The following ZBTB41 variants were observed in gnomAD, a reference collection of about 807,000 sequenced individuals.
ZBTB41 encodes zinc finger and BTB domain containing 41.
In ZBTB41, 42 loss-of-function variants were observed where a neutral mutation model predicts 87.6. The observed-to-expected ratio is 0.48, with a 90% confidence interval of 0.37 to 0.62. ZBTB41 has a LOEUF of 0.62. Ranked by LOEUF, ZBTB41 falls within the 20% of genes least tolerant of loss-of-function variation. ZBTB41 has a pLI of 0.00. For synonymous variants in ZBTB41, 364 were observed against 364.0 expected (o/e 1.00, Z 0.00); for missense variants, 799 against 1,078.9 (o/e 0.74, Z 3.63).
intron 6 of ZBTB41, among the ~76,000 whole-genome samples, chr1:197,180,328 T>C (rs1394774709): frequency 6.6e-6 from 1 of 152,152 alleles, no homozygotes; most frequent in African/African-American, 2.4e-5. Flanking sequence ...GTACACTCTA[T>C]ATTTGTGTGA....
chr1:197,174,806 C>T (rs1386783693), intron 9 of ZBTB41, among the ~76,000 whole-genome samples: 2 of 151,950 alleles, frequency 1.3e-5, no homozygotes, highest in African/African-American at 2.4e-5. Context: ...TTGCATGTCA[C>T]CTCCCTGGCC....
At position 197,174,084 on chromosome 1, in the gene ZBTB41, C is replaced by G. The variant is rs1022828602; in HGVS notation, c.1985+926G>C. On this transcript the variant is annotated intron_variant, in intron 9 of 10. Coordinates refer to ENST00000367405, the MANE Select transcript of ZBTB41 (RefSeq NM_194314.3). ...TGTACAAAACACTTTAACTTCCTCACAGTGGACTTAAGATAAATTCTGTAG... is the reference window on the plus strand; with the variant it reads ...TGTACAAAACACTTTAACTTCCTCAGAGTGGACTTAAGATAAATTCTGTAG... 2.6e-5 allele frequency among the ~76,000 whole-genome samples: 4 copies of G among 152,080 alleles called. No homozygotes were observed. The East Asian group carries it at 5.8e-4, about 22-fold the overall frequency.
intron 7 of ZBTB41, among the ~76,000 whole-genome samples, chr1:197,178,033 CTT>C (rs1177276846): frequency 1.3e-5 from 2 of 151,832 alleles, no homozygotes; most frequent in African/African-American, 2.4e-5. Flanking sequence ...GCACAGAAGA[CTT>C]TTGAAAATTG....
At chr1:197,182,710 T>C (rs1659780846) in intron 5 of ZBTB41, among the ~76,000 whole-genome samples, 1 of 152,342 alleles carries the variant, frequency 6.6e-6, no homozygotes, top group Non-Finnish European at 1.5e-5. Context: ...TATATATTCC[T>C]AATGTAGACA....
chr1:197,194,487 C>A (rs1489526353), intron 2 of ZBTB41, among the ~76,000 whole-genome samples: 1 of 151,538 alleles, frequency 6.6e-6, no homozygotes, highest in Non-Finnish European at 1.5e-5. Context: ...TCTATGCATG[C>A]AAATAAAAAT....
In ZBTB41 at chr1:197,190,140, C is replaced by T. The variant is rs148717857; in HGVS notation, c.1398+622G>A. ...TTTGCCATGTTGGCCAGATTGGTCTCGAACTCCTGACCTCAGGTGATCCAC... is the reference window on the plus strand; with the variant it reads ...TTTGCCATGTTGGCCAGATTGGTCTTGAACTCCTGACCTCAGGTGATCCAC... On this transcript the variant is annotated intron_variant, in intron 4 of 10. Coordinates refer to ENST00000367405, the MANE Select transcript of ZBTB41 (RefSeq NM_194314.3). Among the ~76,000 whole-genome samples, 58 of 152,174 alleles carry T rather than the reference C, an allele frequency of 3.8e-4. No homozygotes were observed. In the East Asian group the frequency reaches 8.9e-3, roughly 23 times the overall value.
At chr1:197,174,637 A>G (rs1481070039) in intron 9 of ZBTB41, among the ~76,000 whole-genome samples, 1 of 152,130 alleles carries the variant, frequency 6.6e-6, no homozygotes, top group African/African-American at 2.4e-5. Context: ...ATAAAATAAT[A>G]TTTTAAATGC....
At chr1:197,200,787 A>C (rs867353654) in intron 1 of ZBTB41, among the ~76,000 whole-genome samples, 197 bp from the exon 2 acceptor site, 2 of 152,326 alleles carry the variant, frequency 1.3e-5, no homozygotes, top group South Asian at 4.1e-4. Flanking sequence ...CAAAAGAATA[A>C]TTTTAAAGGA....
chr1:197,183,540 A>G (rs891492968), intron 5 of ZBTB41, among the ~76,000 whole-genome samples: 3 of 152,164 alleles, frequency 2.0e-5, no homozygotes, highest in African/African-American at 7.2e-5. Flanking sequence ...CATACAAATT[A>G]CCTAATCAGT....
Position 197,156,324 on chromosome 1 carries a change from T to C in ZBTB41, c.*3035A>G, listed in dbSNP as rs1248581614. On this transcript the variant is annotated 3_prime_UTR_variant, in exon 11 of 11. Transcript: ENST00000367405. ...AACTATTTAATACCTACTAAAAATC[T>C]TTGGTGCATTTAAGTCAAAACCCAT... is the stretch of plus-strand genomic sequence containing the variant. The C allele has an allele frequency of 1.3e-5, 2 of 152,250 alleles. No individual in the cohort carries two copies. The highest frequency in any genetic ancestry group is 4.8e-5 in the African/African-American group (2 of 41,420). The allele number at this position is 152,250 out of a possible 1,614,324, so 9.4% of individuals were successfully genotyped here. A position where few individuals can be genotyped will look rare whatever the true frequency, so the allele number is the denominator to read the frequency against.
intron 5 of ZBTB41, among the ~76,000 whole-genome samples, chr1:197,187,499 T>G (rs1258351270): frequency 6.6e-6 from 1 of 152,190 alleles, no homozygotes; most frequent in African/African-American, 2.4e-5. Flanking sequence ...AAATCATCTC[T>G]TGATTACTTA....
chr1:197,177,706 CCTCT>C (rs1487021682), intron 7 of ZBTB41, among the ~76,000 whole-genome samples: 1 of 151,774 alleles, frequency 6.6e-6, no homozygotes, highest in African/African-American at 2.4e-5. Flanking sequence ...ATCTCCAGAG[CCTCT>C]CTCTCTATAT....
chr1:197,199,721 T>C lies in ZBTB41; in HGVS notation c.753A>G (p.Arg251=). 6.2e-7 allele frequency: 1 copy of C among 1,613,652 alleles called. No individual in the cohort carries two copies. The highest frequency in any genetic ancestry group is 8.5e-7 in the Non-Finnish European group (1 of 1,179,942). Residue 251 remains arginine, a synonymous_variant, in exon 2 of 11, where the codon AGA becomes AGG. Coordinates refer to ENST00000367405, the MANE Select transcript of ZBTB41 (RefSeq NM_194314.3). ...GGCACTTCCGATTCCTTTTTGATCT[T>C]CTTGCGGAGAAACTTCTCTCCAGCA... ...LKMLERSFSA[R]RSKRNRKCPV...
At chr1:197,197,089 T>C (rs1181466463) in intron 2 of ZBTB41, among the ~76,000 whole-genome samples, 1 of 152,154 alleles carries the variant, frequency 6.6e-6, no homozygotes, top group East Asian at 1.9e-4. Flanking sequence ...CACCTACATT[T>C]TGTGCAATAT....
chr1:197,200,336 T>G lies in ZBTB41; in HGVS notation c.138A>C (p.Glu46Asp), dbSNP rs200617555. ...GAAGTTCCTGGTAACAGTGAAGAGC[T>G]TCAGGAGTTGGTCTTCCTGCAGAAT... ...YTHSAGRPTP[E>D]ALHCYQELPP... The change falls in exon 2 of 11, where the codon GAA becomes GAC. Residue 46 changes from glutamate (E) to aspartate (D), a missense_variant. Physicochemically the swap from Glu to Asp is conservative, Grantham distance 45 (BLOSUM62 2). This residue lies in a region of ZBTB41 where 77 missense variants were observed against 68.4 expected (regional missense o/e 1.13). Transcript: ENST00000367405. 14 of 1,614,094 alleles carry G rather than the reference T, an allele frequency of 8.7e-6. No homozygotes were observed. The Middle Eastern group carries it at 4.9e-4, about 57-fold the overall frequency.
At position 197,200,005 on chromosome 1, in the gene ZBTB41, G is replaced by T; in HGVS notation, c.469C>A (p.Leu157Ile). Residue 157 changes from leucine to isoleucine, a missense_variant, in exon 2 of 11, where the codon CTT becomes ATT. Leu to Ile is a conservative substitution (Grantham distance 5, BLOSUM62 2). This residue lies in a region of ZBTB41 where 59 missense variants were observed against 120.1 expected (regional missense o/e 0.49). Coordinates refer to ENST00000367405, the MANE Select transcript of ZBTB41 (RefSeq NM_194314.3). ...EFFVYKYEIP[L>I]VLEAAKFLDI... is the part of the protein sequence containing the mutation. ...AAAAATTTTGCAGCCTCTAAAACAA[G>T]AGGTATTTCATATTTGTACACAAAA... 6.2e-7 allele frequency: 1 copy of T among 1,613,076 alleles called. No homozygotes were observed. The highest frequency in any genetic ancestry group is 8.5e-7 in the Non-Finnish European group (1 of 1,179,818).
At chr1:197,192,668 G>A (rs1216460904) in intron 2 of ZBTB41, among the ~76,000 whole-genome samples, 3 of 152,042 alleles carry the variant, frequency 2.0e-5, no homozygotes, top group Non-Finnish European at 4.4e-5. Flanking sequence ...TAAAAACTTA[G>A]CTTTGCTCTC....
intron 7 of ZBTB41, among the ~76,000 whole-genome samples, chr1:197,176,883 A>G (rs1659621964): frequency 6.6e-6 from 1 of 152,126 alleles, no homozygotes; most frequent in Non-Finnish European, 1.5e-5. Flanking sequence ...AAAGCATTTC[A>G]ACATTTGTAT....
In ZBTB41 at chr1:197,199,530, T is replaced by C; in HGVS notation, c.944A>G (p.Asp315Gly). ...EEDELEEEMSDEYSDIEEQSE... is the reference protein window; with the variant it reads ...EEDELEEEMSGEYSDIEEQSE... The stretch of plus-strand genomic sequence containing the variant: ...TTGTTCTTCAATGTCAGAGTACTCA[T>C]CTGACATCTCCTCCTCTAGCTCATC... The change falls in exon 2 of 11, where the codon GAT (aspartate) becomes GGT (glycine). Residue 315 changes from aspartate (D) to glycine (G), a missense_variant. This residue lies in a region of ZBTB41 where 294 missense variants were observed against 340.1 expected (regional missense o/e 0.86). Coordinates refer to ENST00000367405, the MANE Select transcript of ZBTB41 (RefSeq NM_194314.3). The C allele has an allele frequency of 6.2e-7, 1 of 1,610,810 alleles. No homozygotes were observed. Among genetic ancestry groups the C allele is most frequent in the Non-Finnish European group, 8.5e-7 (1 of 1,178,992 alleles).
Sources: allele counts gnomAD v4.1 joint callset (sites outside exome capture counted in the v4.1 genomes callset), GRCh38; gene constraint gnomAD v4.1.1; regional missense constraint gnomAD v4.1.1; transcripts MANE v1.5; gene names NCBI Gene and HGNC (gene_info 2026-07-23, HGNC 2026-07-21).